Variants in CALU observed in about 807,000 individuals in gnomAD.
CALU encodes calumenin, also known as IEF SSP 9302.
CALU carries 13 observed loss-of-function variants against 37.5 expected under a neutral mutation model. The ratio of observed to expected loss-of-function variants is 0.35; its 90% CI spans 0.23 to 0.55. The LOEUF is 0.55. Among genes scored for constraint, CALU ranks in the 20% least tolerant of loss-of-function variants. CALU has a pLI of 0.89. For missense variants in CALU, 282 were observed against 391.7 expected, an observed-to-expected ratio of 0.72 and a Z score of 2.36; for synonymous variants, 114 against 133.8, an observed-to-expected ratio of 0.85 and a Z score of 1.02.
intron 2 of CALU, among the ~76,000 whole-genome samples, chr7:128,749,667 T>C (rs1048783754): frequency 2.6e-5 from 4 of 152,156 alleles, no homozygotes; most frequent in African/African-American, 9.7e-5. Flanking sequence ...TCATAAGACG[T>C]TGTAGGATTT....
At position 128,772,344 on chromosome 7, in the gene CALU, T is replaced by C. The variant is rs1801616875; in HGVS notation, c.*3177T>C. 2 of 637,318 alleles carry C rather than the reference T, an allele frequency of 3.1e-6. No individual in the cohort carries two copies. The highest frequency in any genetic ancestry group is 2.7e-6 in the Non-Finnish European group (1 of 366,954). 39.5% of individuals were successfully genotyped at this position (637,318 alleles called of 1,614,324 possible). ...GAAATGGCCTTTGGGTGGTCTGAAATAGACCAGTGGAAACAGTAGCTTTGT... is the reference window on the plus strand; with the variant it reads ...GAAATGGCCTTTGGGTGGTCTGAAACAGACCAGTGGAAACAGTAGCTTTGT... On this transcript the variant is annotated 3_prime_UTR_variant, in exon 7 of 7. Transcript: ENST00000249364.
In CALU at chr7:128,769,203, T is replaced by C; in HGVS notation, c.*36T>C. On this transcript the variant is annotated 3_prime_UTR_variant, in exon 7 of 7. Transcript: ENST00000249364. ...AACCCTCATTTCCTCAAAAGTAATT[T>C]ATTTTTACAGCTTCTGGTTTCACAT... The C allele has an allele frequency of 9.4e-7, 1 of 1,067,524 alleles. No individual in the cohort carries two copies. The highest frequency in any genetic ancestry group is 1.4e-5 in the South Asian group (1 of 73,306). The allele number at this position is 1,067,524 out of a possible 1,614,324, so 66.1% of individuals were successfully genotyped here.
chr7:128,748,190 G>T, intron 1 of CALU: 1 of 533,872 alleles, frequency 1.9e-6, no homozygotes, highest in South Asian at 2.9e-5. Context: ...GACCACCAAT[G>T]CGTACAAGAA....
intron 5 of CALU, chr7:128,761,662 C>T (rs1363306484): frequency 6.6e-6 from 1 of 152,160 alleles, no homozygotes; most frequent in African/African-American, 2.4e-5. Flanking sequence ...GTTACAAATA[C>T]TTTGTTTAGA....
intron 3 of CALU, among the ~76,000 whole-genome samples, chr7:128,757,752 A>C (rs1261326098): frequency 6.6e-6 from 1 of 152,162 alleles, no homozygotes; most frequent in Non-Finnish European, 1.5e-5. Context: ...AGATTGAAAA[A>C]GAATTTTATT....
intron 1 of CALU, chr7:128,748,287 T>C (rs975715447): frequency 9.5e-6 from 10 of 1,053,792 alleles, no homozygotes; most frequent in South Asian, 3.0e-5. Context: ...AATTCTACTT[T>C]GGTATCTTTT....
chr7:128,746,377 C>T (rs1176029188), intron 1 of CALU, among the ~76,000 whole-genome samples: 1 of 151,862 alleles, frequency 6.6e-6, no homozygotes, highest in Non-Finnish European at 1.5e-5. Flanking sequence ...AGGGTGGTCT[C>T]GAACTCCTGA....
chr7:128,767,837 A>G (rs1437561506), intron 6 of CALU, among the ~76,000 whole-genome samples, 182 bp downstream of exon 6: 1 of 152,222 alleles, frequency 6.6e-6, no homozygotes, highest in African/African-American at 2.4e-5. Context: ...ATCTCATTTT[A>G]GAAATCCTTT....
chr7:128,763,537 ATAAAG>A (rs948253235), intron 5 of CALU, among the ~76,000 whole-genome samples: 6 of 152,212 alleles, frequency 3.9e-5, no homozygotes, highest in African/African-American at 1.4e-4. Flanking sequence ...TCTCAAAAAA[ATAAAG>A]TAAAATAAAT....
At position 128,767,656 on chromosome 7, in the gene CALU, G is replaced by GTAAGT; in HGVS notation, c.843+2_843+6dup. Reference sequence around the variant, plus strand: ...GGTCTATGAATCAGACCAAAACAAGGTAAGTCTGGCGAGGCCCACACGCTC... The same window carrying GTAAGT: ...GGTCTATGAATCAGACCAAAACAAGGTAAGTTAAGTCTGGCGAGGCCCACACGCTC... On this transcript the variant is annotated splice_donor_variant, in intron 6 of 6. Coordinates refer to ENST00000249364, the MANE Select transcript of CALU (RefSeq NM_001219.5). LOFTEE classifies it high-confidence loss of function. 3.7e-6 allele frequency: 6 copies of GTAAGT among 1,613,564 alleles called. No homozygotes were observed. Among genetic ancestry groups the GTAAGT allele is most frequent in the Non-Finnish European group, 3.4e-6 (4 of 1,179,528 alleles).
intron 5 of CALU, among the ~76,000 whole-genome samples, chr7:128,760,054 T>C (rs752880797): frequency 9.2e-5 from 14 of 152,214 alleles, no homozygotes; most frequent in Middle Eastern, 3.4e-3. Flanking sequence ...AAAAATTAGT[T>C]GGGTGTGGTG....
At chr7:128,768,847 C>CAAAAAAAAAAGAAAA (rs1801433814) in intron 6 of CALU, among the ~76,000 whole-genome samples, 1 of 55,164 alleles carries the variant, frequency 1.8e-5, no homozygotes, top group Admixed American at 2.3e-4. Flanking sequence ...AACTCCGTCT[C>CAAAAAAAAAAGAAAA]AAAAAAAAAA....
At chr7:128,743,269 C>G (rs377042169) in intron 1 of CALU, among the ~76,000 whole-genome samples, 1 of 152,144 alleles carries the variant, frequency 6.6e-6, no homozygotes, top group East Asian at 1.9e-4. Context: ...ATTCAGTTTT[C>G]ACAACCATTG....
chr7:128,762,682 T>C (rs1047987651), intron 5 of CALU, among the ~76,000 whole-genome samples: 2 of 152,154 alleles, frequency 1.3e-5, no homozygotes, highest in African/African-American at 4.8e-5. Context: ...ATTTATGTTT[T>C]TTTTGAGACA....
intron 1 of CALU, chr7:128,748,256 G>A: frequency 1.2e-6 from 1 of 802,356 alleles, no homozygotes; most frequent in Non-Finnish European, 1.9e-6. Context: ...TAATTCTTAT[G>A]AACTTGGGCA....
chr7:128,768,756 T>TA lies in CALU; in HGVS notation c.844-304dup, dbSNP rs745591082. The stretch of plus-strand genomic sequence containing the variant: ...GGGAGGCTGAGGCAGAAAAATCACT[T>TA]AAATCACTTTAACACGGGAGGCGGA... On this transcript the variant is annotated intron_variant, in intron 6 of 6. Transcript: ENST00000249364. 1.1e-4 allele frequency among the ~76,000 whole-genome samples: 16 copies of TA among 146,584 alleles called. 1 individual carries two copies. The highest frequency in any genetic ancestry group is 7.1e-4 in the Admixed American group (10 of 14,144).
intron 1 of CALU, chr7:128,748,236 C>CT: frequency 1.5e-6 from 1 of 671,068 alleles, no homozygotes; most frequent in Non-Finnish European, 2.5e-6. Flanking sequence ...AACCTTGGTT[C>CT]TTTCACTTTT....
At chr7:128,748,379 T>C in intron 1 of CALU, 194 bp from the exon 2 acceptor site, 1 of 1,494,548 alleles carries the variant, frequency 6.7e-7, no homozygotes, top group Non-Finnish European at 9.0e-7. Flanking sequence ...TAAAAATTTC[T>C]CACTGTAATA....
intron 2 of CALU, among the ~76,000 whole-genome samples, chr7:128,749,500 T>G (rs1006023): frequency 0.28 from 41,936 of 151,944 alleles, 6,761 homozygotes; most frequent in Non-Finnish European, 0.38. Flanking sequence ...TCCAAAGCCT[T>G]CCTTTTGAAG....
Sources: allele counts gnomAD v4.1 joint callset (sites outside exome capture counted in the v4.1 genomes callset), GRCh38; gene constraint gnomAD v4.1.1; transcripts MANE v1.5; gene names NCBI Gene and HGNC (gene_info 2026-07-23, HGNC 2026-07-21).